FLT3: variants seen among roughly 807,000 people sequenced by gnomAD.
The protein encoded by FLT3 is receptor-type tyrosine-protein kinase FLT3.
Under a neutral mutation model 126.6 loss-of-function variants are expected in FLT3, and 46 were observed. That is an observed-to-expected ratio of 0.36 (90% CI 0.29 to 0.46). FLT3 has a LOEUF of 0.46. Ranked by LOEUF, FLT3 falls within the 20% of genes least tolerant of loss-of-function variation. FLT3 has a pLI of 1.00. For synonymous variants in FLT3, 404 were observed against 434.4 expected, an observed-to-expected ratio of 0.93 and a Z score of 0.87; for missense variants, 1,069 against 1,190.3, an observed-to-expected ratio of 0.90 and a Z score of 1.50.
intron 1 of FLT3, among the ~76,000 whole-genome samples, chr13:28,072,721 C>T (rs1027342175): frequency 6.7e-6 from 1 of 149,884 alleles, no homozygotes; most frequent in Non-Finnish European, 1.5e-5. Flanking sequence ...AACAAATATG[C>T]GGCCGGGCGT....
intron 9 of FLT3, among the ~76,000 whole-genome samples, chr13:28,044,278 G>A (rs573503219): frequency 6.6e-6 from 1 of 151,876 alleles, no homozygotes; most frequent in African/African-American, 2.4e-5. Context: ...GCAAAACCCC[G>A]TCTCTACTAA....
intron 15 of FLT3, among the ~76,000 whole-genome samples, chr13:28,032,976 C>T (rs985338714): frequency 1.8e-4 from 28 of 152,104 alleles, no homozygotes; most frequent in African/African-American, 4.8e-4. Flanking sequence ...GGCTGGACGC[C>T]AGATCGGAAT....
chr13:28,059,611 A>T (rs1207236289), intron 3 of FLT3, among the ~76,000 whole-genome samples: 1 of 152,214 alleles, frequency 6.6e-6, no homozygotes, highest in Admixed American at 6.5e-5. Flanking sequence ...ATAAGATCAA[A>T]TGTTCTTTTC....
intron 15 of FLT3, among the ~76,000 whole-genome samples, chr13:28,030,001 C>G (rs1369984191): frequency 6.6e-6 from 1 of 152,166 alleles, no homozygotes; most frequent in Non-Finnish European, 1.5e-5. Context: ...TCTGGACTTC[C>G]CTCTCCAGGC....
At chr13:28,012,869 G>A (rs1871520032) in intron 23 of FLT3, among the ~76,000 whole-genome samples, 1 of 151,946 alleles carries the variant, frequency 6.6e-6, no homozygotes, top group South Asian at 2.1e-4. Flanking sequence ...CTCACAGTGT[G>A]GAGGCTGCAG....
intron 18 of FLT3, among the ~76,000 whole-genome samples, chr13:28,024,137 CTT>C (rs371442807): frequency 2.5e-5 from 3 of 117,832 alleles, no homozygotes; most frequent in African/African-American, 3.0e-5. Context: ...TTCTTTCTTT[CTT>C]TTTTTTTTTT....
intron 1 of FLT3, among the ~76,000 whole-genome samples, chr13:28,096,458 A>G (rs2387356): frequency 0.08 from 11,983 of 150,134 alleles, 563 homozygotes; most frequent in East Asian, 0.2. Context: ...TTTTTTTGAG[A>G]TGGAGTCGCA....
intron 2 of FLT3, among the ~76,000 whole-genome samples, chr13:28,064,374 A>T (rs961494541): frequency 4.6e-5 from 7 of 152,132 alleles, no homozygotes; most frequent in African/African-American, 1.7e-4. Context: ...GGAGTTCGAG[A>T]CCAGCCTGGC....
chr13:28,056,082 C>A (rs930579005), intron 4 of FLT3, among the ~76,000 whole-genome samples: 15 of 152,160 alleles, frequency 9.9e-5, no homozygotes, highest in Non-Finnish European at 1.8e-4. Context: ...TACTCCACCC[C>A]CAACCCCAGT....
chr13:28,043,616 A>C (rs1382765754), intron 9 of FLT3, among the ~76,000 whole-genome samples: 1 of 152,236 alleles, frequency 6.6e-6, no homozygotes, highest in Non-Finnish European at 1.5e-5. Context: ...TGTTGAATCT[A>C]GGTGGTAGGT....
At chr13:28,094,570 G>A (rs1879333289) in intron 1 of FLT3, among the ~76,000 whole-genome samples, 2 of 152,096 alleles carry the variant, frequency 1.3e-5, no homozygotes, top group African/African-American at 4.8e-5. Flanking sequence ...CATGGTCGTA[G>A]CTCACTGCAG....
At chr13:28,059,926 C>G (rs1168063017) in intron 3 of FLT3, among the ~76,000 whole-genome samples, 1 of 151,476 alleles carries the variant, frequency 6.6e-6, no homozygotes, top group East Asian at 1.9e-4. Flanking sequence ...TGCCACTGCA[C>G]TCCAGCCTGG....
chr13:28,037,158 A>T, intron 10 of FLT3, 27 bp downstream of exon 10: 1 of 1,316,270 alleles, frequency 7.6e-7, no homozygotes, highest in Non-Finnish European at 1.1e-6. Flanking sequence ...AAAAAATAAA[A>T]ATCAAATTCT....
chr13:28,021,520 G>A (rs190524984), intron 19 of FLT3, among the ~76,000 whole-genome samples: 24 of 152,290 alleles, frequency 1.6e-4, no homozygotes, highest in Middle Eastern at 3.4e-3. Context: ...AGAGAAAAAT[G>A]TGCCTCGCAG....
chr13:28,066,265 T>C (rs1368138153), intron 2 of FLT3, among the ~76,000 whole-genome samples: 1 of 152,150 alleles, frequency 6.6e-6, no homozygotes, highest in African/African-American at 2.4e-5. Context: ...ATTCTAAAAT[T>C]AGATTATCTA....
intron 15 of FLT3, among the ~76,000 whole-genome samples, chr13:28,030,496 GTC>G (rs1160626772): frequency 3.9e-5 from 6 of 152,110 alleles, no homozygotes; most frequent in African/African-American, 1.4e-4. Flanking sequence ...CACAACCCTT[GTC>G]TTCCTGGATC....
intron 15 of FLT3, among the ~76,000 whole-genome samples, chr13:28,030,914 AAAAG>A: frequency 2.0e-5 from 3 of 146,996 alleles, no homozygotes; most frequent in Admixed American, 2.0e-4. Flanking sequence ...AAAAAAAGAA[AAAAG>A]AAAGAAAAAG....
intron 19 of FLT3, among the ~76,000 whole-genome samples, chr13:28,019,840 C>G (rs924091739): frequency 6.6e-6 from 1 of 152,188 alleles, no homozygotes; most frequent in Non-Finnish European, 1.5e-5. Context: ...CCCCACTGCT[C>G]TGCCGGCTCC....
intron 23 of FLT3, chr13:28,009,399 T>C (rs1166879728): frequency 6.6e-6 from 1 of 152,268 alleles, no homozygotes; most frequent in African/African-American, 2.4e-5. Flanking sequence ...GTTACCCTTG[T>C]CCTTGTTTTT....
Sources: gnomAD v4.1 joint callset for allele counts (sites outside exome capture counted in the v4.1 genomes callset) on GRCh38, gnomAD v4.1.1 for gene constraint, MANE v1.5 for transcripts, NCBI Gene and HGNC (gene_info 2026-07-23, HGNC 2026-07-21) for gene names.